Variants in NLRP5 observed in about 807,000 individuals in gnomAD.
NLRP5 encodes NACHT, LRR and PYD domains-containing protein 5.
NLRP5 carries 93 observed loss-of-function variants against 113.1 expected under a neutral mutation model. The ratio of observed to expected loss-of-function variants is 0.82; its 90% CI spans 0.70 to 0.98. The LOEUF (loss-of-function observed/expected upper bound fraction) is 0.98, where lower values mean the gene tolerates loss of function less well. Among genes scored for constraint, NLRP5 ranks in the 50% least tolerant of loss-of-function variants. The pLI is 0.00. For missense variants in NLRP5, 1,808 were observed against 1,514.3 expected, an observed-to-expected ratio of 1.19 and a Z score of -3.22; for synonymous variants, 751 against 600.7, an observed-to-expected ratio of 1.25 and a Z score of -3.66.
intron 10 of NLRP5, among the ~76,000 whole-genome samples, chr19:56,039,397 C>G (rs1428249481): frequency 6.6e-6 from 1 of 152,184 alleles, no homozygotes; most frequent in Admixed American, 6.5e-5. Context: ...CAGCACAGCT[C>G]TAGGTGACCT....
intron 2 of NLRP5, among the ~76,000 whole-genome samples, chr19:56,007,343 G>C (rs1245218541): frequency 7.4e-6 from 1 of 135,988 alleles, no homozygotes; most frequent in Admixed American, 7.8e-5. Context: ...CAGCCTGGGC[G>C]ACAGATTGAG....
chr19:55,999,307 C>T (rs532136956), upstream of NLRP5, among the ~76,000 whole-genome samples: 82 of 150,658 alleles, frequency 5.4e-4, no homozygotes, highest in Admixed American at 8.7e-4. Flanking sequence ...CTCTGCCTCC[C>T]AGGTTCAAGT....
intron 13 of NLRP5, among the ~76,000 whole-genome samples, chr19:56,054,010 C>T (rs1203329359): frequency 6.6e-6 from 1 of 152,106 alleles, no homozygotes; most frequent in African/African-American, 2.4e-5. Flanking sequence ...GTGGCAAATG[C>T]TTGGGAACAA....
Position 56,033,664 on chromosome 19 carries a change from C to A in NLRP5, c.2570C>A (p.Ala857Glu). ...CTGAAGGAAGAGGATGTAAGGATGG[C>A]GTGTGAAGCCTTAAAACACCCAAAA... The change falls in exon 9 of 15, where the codon GCG becomes GAG. Residue 857 changes from alanine (A) to glutamate (E), a missense_variant. Transcript: ENST00000390649. 1 of 1,613,648 alleles carries A rather than the reference C, an allele frequency of 6.2e-7. No homozygotes were observed. Among genetic ancestry groups the A allele is most frequent in the Non-Finnish European group, 8.5e-7 (1 of 1,179,656 alleles).
chr19:56,020,845 G>T (rs937207832), intron 6 of NLRP5, among the ~76,000 whole-genome samples: 2 of 150,672 alleles, frequency 1.3e-5, no homozygotes, highest in African/African-American at 4.9e-5. Flanking sequence ...AATTACAGTG[G>T]TAAGAAAAAC....
rs1217870206 is a variant in NLRP5 at position 56,003,893 on chromosome 19, C to G, written c.240C>G (p.Phe80Leu). ...TAGACAAGGAAGAATTTCAGACATT[C>G]AAGGAATTACTAAAGAAGAAATCTT... The change falls in exon 2 of 15, where the codon TTC (phenylalanine) becomes TTG (leucine). Residue 80 changes from phenylalanine (F) to leucine (L), a missense_variant. By Grantham distance (22) the Phe-to-Leu change is conservative. Transcript: ENST00000390649. 5.0e-6 allele frequency: 8 copies of G among 1,613,880 alleles called. No individual in the cohort carries two copies. Among genetic ancestry groups the G allele is most frequent in the African/African-American group, 1.3e-5 (1 of 74,918 alleles).
chr19:55,994,347 G>C, the NLRP5 span, among the ~76,000 whole-genome samples: 2 of 152,114 alleles, frequency 1.3e-5, no homozygotes, highest in Non-Finnish European at 2.9e-5. Context: ...TATATTCTGG[G>C]TATTAGTTCC....
Position 56,061,593 on chromosome 19 carries a change from A to G in NLRP5, c.*65A>G. 1 of 1,570,672 alleles carries G rather than the reference A, an allele frequency of 6.4e-7. No homozygotes were observed. Among genetic ancestry groups the G allele is most frequent in the South Asian group, 1.1e-5 (1 of 88,874 alleles). On this transcript the variant is annotated 3_prime_UTR_variant, in exon 15 of 15. Coordinates refer to ENST00000390649, the MANE Select transcript of NLRP5 (RefSeq NM_153447.4). ...GGAACTTTAAACGCTGTTTTCTCAG[A>G]GCAAGCTATGCACCTGGGAGTTCCT... is the stretch of plus-strand genomic sequence containing the variant.
intron 3 of NLRP5, among the ~76,000 whole-genome samples, chr19:56,014,478 CAAAAAA>C (rs3055393): frequency 2.2e-5 from 3 of 136,916 alleles, no homozygotes; most frequent in African/African-American, 8.0e-5. Context: ...CGCTCCATCT[CAAAAAA>C]AAAAAAAAAA....
At chr19:56,044,642 G>A (rs1983655616) in intron 11 of NLRP5, among the ~76,000 whole-genome samples, 1 of 152,186 alleles carries the variant, frequency 6.6e-6, no homozygotes, top group Non-Finnish European at 1.5e-5. Context: ...ATCAGGTAGT[G>A]TGATGCCTCC....
chr19:56,003,722 C>T lies in NLRP5; in HGVS notation c.69C>T (p.Val23=). 1 of 1,592,010 alleles carries T rather than the reference C, an allele frequency of 6.3e-7. No individual in the cohort carries two copies. The highest frequency in any genetic ancestry group is 8.5e-7 in the Non-Finnish European group (1 of 1,170,646). ...TGCAAGATCCTCTTTTAAGTCTTGT[C>T]ACTCTTTCCACAGGTCCTACTTGCT... Residue 23 remains valine, a synonymous_variant, in exon 2 of 15, where the codon GTC becomes GTT. Transcript: ENST00000390649.
In NLRP5 at chr19:56,008,978, C is replaced by T. The variant is rs534148589; in HGVS notation, c.508+125C>T. 2.8e-4 allele frequency: 224 copies of T among 797,092 alleles called. No homozygotes were observed. The African/African-American group carries it at 3.4e-3, about 12-fold the overall frequency. The allele number at this position is 797,092 out of a possible 1,614,324, so 49.4% of individuals were successfully genotyped here. A position where few individuals can be genotyped will look rare whatever the true frequency, so the allele number is the denominator to read the frequency against. On this transcript the variant is annotated intron_variant, in intron 3 of 14. Coordinates refer to ENST00000390649, the MANE Select transcript of NLRP5 (RefSeq NM_153447.4). ...TGTTCTTTCTAGTCTAACTACCCTACATTAGCTGACCGGATGGGTTCTGAG... is the reference window on the plus strand; with the variant it reads ...TGTTCTTTCTAGTCTAACTACCCTATATTAGCTGACCGGATGGGTTCTGAG...
chr19:56,013,596 G>T (rs73068155), intron 3 of NLRP5, among the ~76,000 whole-genome samples: 5,644 of 60,142 alleles, frequency 0.094, 386 homozygotes, highest in South Asian at 0.14. Flanking sequence ...GGACATTTGG[G>T]TTTTTTTTTT....
At chr19:56,045,832 G>T (rs535902904) in intron 11 of NLRP5, among the ~76,000 whole-genome samples, 2 of 152,266 alleles carry the variant, frequency 1.3e-5, no homozygotes, top group East Asian at 3.9e-4. Flanking sequence ...GATCAGTTAG[G>T]GTAGAGCATG....
intron 3 of NLRP5, among the ~76,000 whole-genome samples, chr19:56,013,595 G>GTTTTTTTTT (rs1418924718): frequency 6.1e-4 from 19 of 30,976 alleles, no homozygotes; most frequent in Non-Finnish European, 8.6e-4. Flanking sequence ...TGGACATTTG[G>GTTTTTTTTT]GTTTTTTTTT....
intron 7 of NLRP5, among the ~76,000 whole-genome samples, chr19:56,030,450 T>C (rs1983054163): frequency 6.6e-6 from 1 of 152,072 alleles, no homozygotes; most frequent in African/African-American, 2.4e-5. Flanking sequence ...GGCAGCTACC[T>C]TTGGTTGGAA....
intron 13 of NLRP5, among the ~76,000 whole-genome samples, chr19:56,057,190 A>G (rs1418486777): frequency 6.6e-6 from 1 of 152,188 alleles, no homozygotes; most frequent in South Asian, 2.1e-4. Flanking sequence ...TGTAAAACCT[A>G]TATACCCACC....
At chr19:56,009,979 T>C (rs954648971) in intron 3 of NLRP5, among the ~76,000 whole-genome samples, 1 of 152,222 alleles carries the variant, frequency 6.6e-6, no homozygotes, top group Non-Finnish European at 1.5e-5. Context: ...ATCCTTCATG[T>C]GATAAGACTG....
At position 56,057,218 on chromosome 19, in the gene NLRP5, A is replaced by G. The variant is rs368421339; in HGVS notation, c.3300-1022A>G. ...TACCCACCACCTAATTTAAACAATC[A>G]TTAGTATTTTAGTATATCTGGTGAA... On this transcript the variant is annotated intron_variant, in intron 13 of 14. Transcript: ENST00000390649. 3.3e-5 allele frequency among the ~76,000 whole-genome samples: 5 copies of G among 152,316 alleles called. 1 individual carries two copies. The highest frequency in any genetic ancestry group is 1.2e-4 in the African/African-American group (5 of 41,572).
Sources: allele counts gnomAD v4.1 joint callset (sites outside exome capture counted in the v4.1 genomes callset), GRCh38; gene constraint gnomAD v4.1.1; transcripts MANE v1.5; gene names NCBI Gene and HGNC (gene_info 2026-07-23, HGNC 2026-07-21).